The following ABTB3 variants were observed in gnomAD, a reference collection of about 807,000 sequenced individuals.
The protein encoded by ABTB3 is ankyrin repeat- and BTB/POZ domain-containing protein 3.
the ABTB3 span, among the ~76,000 whole-genome samples, chr12:107,554,812 A>C: frequency 6.6e-6 from 1 of 152,162 alleles, no homozygotes; most frequent in African/African-American, 2.4e-5. Flanking sequence ...TTTTTTGTGC[A>C]TGTGTCTTAT....
At chr12:107,652,806 C>G in the ABTB3 span, among the ~76,000 whole-genome samples, 2 of 152,232 alleles carry the variant, frequency 1.3e-5, no homozygotes, top group Non-Finnish European at 2.9e-5. Flanking sequence ...TGTCCAGGTA[C>G]CACTGCATTT....
the ABTB3 span, among the ~76,000 whole-genome samples, chr12:107,609,010 T>TA: frequency 6.7e-5 from 7 of 105,138 alleles, no homozygotes; most frequent in Admixed American, 5.1e-4. Context: ...TAAAATAAAA[T>TA]AAAGACACAG....
the ABTB3 span, among the ~76,000 whole-genome samples, chr12:107,517,475 C>T: frequency 9.9e-5 from 15 of 152,254 alleles, no homozygotes; most frequent in Admixed American, 1.3e-4. Flanking sequence ...GCCATTTTCA[C>T]GATATTGATT....
chr12:107,558,744 C>T, the ABTB3 span, among the ~76,000 whole-genome samples: 2 of 152,204 alleles, frequency 1.3e-5, no homozygotes, highest in Non-Finnish European at 1.5e-5. Context: ...GGCCCTGTGA[C>T]GAGAGCTTTT....
the ABTB3 span, among the ~76,000 whole-genome samples, chr12:107,615,809 C>T: frequency 6.6e-6 from 1 of 152,192 alleles, no homozygotes; most frequent in Non-Finnish European, 1.5e-5. Context: ...CCATACGGTA[C>T]ATTCTAAATC....
At chr12:107,490,365 C>T in the ABTB3 span, among the ~76,000 whole-genome samples, 1 of 152,268 alleles carries the variant, frequency 6.6e-6, no homozygotes, top group African/African-American at 2.4e-5. Flanking sequence ...GGAAATATCC[C>T]CTGCAATGGA....
the ABTB3 span, among the ~76,000 whole-genome samples, chr12:107,487,367 G>C: frequency 6.6e-6 from 1 of 152,130 alleles, no homozygotes; most frequent in Admixed American, 6.5e-5. Flanking sequence ...TAAGCTTACG[G>C]GGTTGGAGGT....
the ABTB3 span, among the ~76,000 whole-genome samples, chr12:107,612,141 T>C: frequency 2.0e-5 from 3 of 152,270 alleles, no homozygotes; most frequent in African/African-American, 4.8e-5. Context: ...TAACCGACTT[T>C]GTGACACTGG....
the ABTB3 span, among the ~76,000 whole-genome samples, chr12:107,646,091 G>A: frequency 5.2e-5 from 8 of 152,384 alleles, no homozygotes; most frequent in Middle Eastern, 3.4e-3. Context: ...CGCCGGCAAG[G>A]GCCGGACGCA....
At chr12:107,542,342 T>C in the ABTB3 span, among the ~76,000 whole-genome samples, 1 of 145,994 alleles carries the variant, frequency 6.8e-6, no homozygotes, top group East Asian at 2.0e-4. Flanking sequence ...ATCACAGATA[T>C]CTTAGGCGGC....
chr12:107,650,272 T>C, the ABTB3 span: 1 of 152,200 alleles, frequency 6.6e-6, no homozygotes, highest in Admixed American at 6.5e-5. Flanking sequence ...CTCACTGGGT[T>C]TTTTAGAGGA....
chr12:107,400,150 G>A, the ABTB3 span, among the ~76,000 whole-genome samples: 3,168 of 152,266 alleles, frequency 0.021, 247 homozygotes, highest in Admixed American at 0.15. Flanking sequence ...ATAAACATTC[G>A]TGTGCATGTG....
chr12:107,434,394 C>A, the ABTB3 span, among the ~76,000 whole-genome samples: 1 of 152,290 alleles, frequency 6.6e-6, no homozygotes, highest in East Asian at 1.9e-4. Flanking sequence ...GGGCGAGACA[C>A]CCACAGCGTC....
At chr12:107,649,507 C>T in the ABTB3 span, 3 of 518,786 alleles carry the variant, frequency 5.8e-6, no homozygotes, top group Non-Finnish European at 1.0e-5. Flanking sequence ...ACTTGCTTGC[C>T]TGACTGCTTT....
the ABTB3 span, among the ~76,000 whole-genome samples, chr12:107,355,206 T>A: frequency 2.0e-5 from 3 of 152,202 alleles, no homozygotes; most frequent in Non-Finnish European, 4.4e-5. Context: ...CTCTTGTAGG[T>A]CCCTCTGAGC....
the ABTB3 span, among the ~76,000 whole-genome samples, chr12:107,375,328 G>T: frequency 2.0e-5 from 3 of 152,286 alleles, no homozygotes; most frequent in East Asian, 5.8e-4. Context: ...TGAGGTGGAA[G>T]GATCACCTTA....
chr12:107,344,401 A>G, the ABTB3 span, among the ~76,000 whole-genome samples: 6 of 152,204 alleles, frequency 3.9e-5, no homozygotes, highest in Non-Finnish European at 8.8e-5. Context: ...TTGCCAACCA[A>G]TAGTACTTAT....
At chr12:107,411,663 G>A in the ABTB3 span, among the ~76,000 whole-genome samples, 9 of 152,236 alleles carry the variant, frequency 5.9e-5, no homozygotes, top group African/African-American at 1.7e-4. Context: ...CTGATTCTGC[G>A]GCCTGTGAGC....
chr12:107,645,508 T>A, the ABTB3 span, among the ~76,000 whole-genome samples: 1 of 112,152 alleles, frequency 8.9e-6, no homozygotes, highest in Non-Finnish European at 2.1e-5. Context: ...CCCAGACCTG[T>A]TCTCTTAAAT....
Sources: allele counts gnomAD v4.1 joint callset (sites outside exome capture counted in the v4.1 genomes callset), GRCh38; gene constraint gnomAD v4.1.1; transcripts MANE v1.5; gene names NCBI Gene and HGNC (gene_info 2026-07-23, HGNC 2026-07-21).